PCGF3: variants seen among roughly 807,000 people sequenced by gnomAD.
PCGF3 encodes polycomb group RING finger protein 3.
A neutral mutation model predicts 33.1 loss-of-function variants in PCGF3; 7 were observed. That is an observed-to-expected ratio of 0.21 (90% CI 0.12 to 0.40). The LOEUF (loss-of-function observed/expected upper bound fraction) is 0.40. Ranked by LOEUF, PCGF3 falls within the 10% of genes least tolerant of loss-of-function variation. PCGF3 has a pLI of 1.00. For synonymous variants in PCGF3, 153 were observed against 121.3 expected (o/e 1.26, Z -1.72); for missense variants, 211 against 313.3 (o/e 0.67, Z 2.46).
chr4:721,860 T>C lies in PCGF3; in HGVS notation c.-189-8770T>C, dbSNP rs984731551. 6.8e-6 allele frequency among the ~76,000 whole-genome samples: 1 copy of C among 148,018 alleles called. No individual in the cohort carries two copies. Among genetic ancestry groups the C allele is most frequent in the Non-Finnish European group, 1.5e-5 (1 of 67,582 alleles). On this transcript the variant is annotated intron_variant, in intron 1 of 10. Coordinates refer to ENST00000362003, the Ensembl canonical transcript of PCGF3. This position sits in a 1 kb window ranked among gnomAD's most constrained non-coding sequence, Gnocchi z 4.1. ...CTGCATGTGGGTGTGGAAAGAGGCC[T>C]GTGGGAGACTGGTGGATGGGTGGCT...
intron 1 of PCGF3, among the ~76,000 whole-genome samples, chr4:730,331 C>T (rs918058697): frequency 5.3e-5 from 8 of 152,166 alleles, no homozygotes; most frequent in East Asian, 3.9e-4. Context: ...TCACATCCTG[C>T]CTTCTTGGGC....
chr4:744,601 T>C, exon 8 of PCGF3: 1 of 1,554,568 alleles, frequency 6.4e-7, no homozygotes, highest in Non-Finnish European at 8.7e-7. Context: ...TGCTAAAAGG[T>C]GAAACCAAAG....
chr4:758,839 G>T (rs62294069), intron 8 of PCGF3, among the ~76,000 whole-genome samples: 1 of 14,404 alleles, frequency 6.9e-5, no homozygotes. Context: ...CTTTCTCCCC[G>T]CGCGGCCCCT....
exon 11 of PCGF3, chr4:768,759 G>C (rs1013272063): frequency 3.9e-5 from 6 of 152,434 alleles, no homozygotes. Context: ...CAATTGTTTG[G>C]TTTCAGTGGT....
chr4:740,642 C>T (rs1744047078), intron 6 of PCGF3, among the ~76,000 whole-genome samples: 1 of 152,138 alleles, frequency 6.6e-6, no homozygotes. Flanking sequence ...GTAACCCTAG[C>T]ACTGTGGGAG....
intron 8 of PCGF3, among the ~76,000 whole-genome samples, chr4:761,010 CTG>C (rs1295330836): frequency 4.6e-5 from 7 of 152,350 alleles, no homozygotes; most frequent in Admixed American, 3.3e-4. Context: ...GGATAAGTAA[CTG>C]TGGGATTAAC....
chr4:767,418 A>G (rs968854693), exon 11 of PCGF3: 3 of 151,982 alleles, frequency 2.0e-5, no homozygotes, highest in Non-Finnish European at 4.4e-5. Context: ...TGCAGTTGTC[A>G]TTGTCTTCTC....
At chr4:747,842 A>G (rs906576391) in intron 8 of PCGF3, among the ~76,000 whole-genome samples, 5 of 151,816 alleles carry the variant, frequency 3.3e-5, no homozygotes, top group African/African-American at 9.7e-5. Flanking sequence ...GCCAGCACCC[A>G]AGGGCTGCTG....
intron 8 of PCGF3, among the ~76,000 whole-genome samples, chr4:749,648 G>A (rs1271223552): frequency 2.0e-5 from 3 of 150,748 alleles, no homozygotes; most frequent in Non-Finnish European, 3.0e-5. Flanking sequence ...CACCACACCC[G>A]GCTAATTTTT....
chr4:738,686 A>G (rs1482981659), intron 6 of PCGF3, among the ~76,000 whole-genome samples: 1 of 26,414 alleles, frequency 3.8e-5, no homozygotes, highest in East Asian at 9.8e-4. Context: ...TGTCTCTACC[A>G]AAAATACAAA....
intron 8 of PCGF3, among the ~76,000 whole-genome samples, chr4:750,805 T>G (rs1431204682): frequency 6.6e-6 from 1 of 152,072 alleles, no homozygotes; most frequent in Non-Finnish European, 1.5e-5. Flanking sequence ...TCTTACGTAG[T>G]TTTGATGACT....
intron 5 of PCGF3, 60 bp from the exon 6 acceptor site, chr4:737,406 T>C (rs1743882206): frequency 1.9e-6 from 2 of 1,072,296 alleles, no homozygotes; most frequent in South Asian, 2.5e-5. Context: ...AAATGGAAAG[T>C]GTACAAGAAT....
intron 5 of PCGF3, 88 bp from the exon 6 acceptor site, chr4:737,378 C>T (rs1486822480): frequency 4.5e-6 from 4 of 890,928 alleles, no homozygotes; most frequent in Non-Finnish European, 7.4e-6. Flanking sequence ...ACTGGTGATT[C>T]TGAACTTTGA....
chr4:707,067 T>C (rs992845195), intron 1 of PCGF3, among the ~76,000 whole-genome samples: 1 of 150,044 alleles, frequency 6.7e-6, no homozygotes, highest in African/African-American at 2.5e-5. Flanking sequence ...CTGAAGAGAG[T>C]TGGGCTCTGG....
intron 8 of PCGF3, among the ~76,000 whole-genome samples, chr4:758,179 A>C (rs2152615833): frequency 6.6e-6 from 1 of 150,734 alleles, no homozygotes; most frequent in African/African-American, 2.4e-5. Context: ...AAAAAAAAAA[A>C]AAAAAAAAAA....
Position 766,025 on chromosome 4 carries a change from C to G in PCGF3, c.682-7C>G. Reference sequence around the variant, plus strand: ...AAGCAGGCACTGTGCGTTCTTGTGTCTTCCAGAAGGCGCCGCTCCTGCTGC... The same window carrying G: ...AAGCAGGCACTGTGCGTTCTTGTGTGTTCCAGAAGGCGCCGCTCCTGCTGC... On this transcript the variant is annotated splice_region_variant and splice_polypyrimidine_tract_variant and intron_variant, in intron 10 of 10. Transcript: ENST00000362003. 6.2e-7 allele frequency: 1 copy of G among 1,613,912 alleles called. No individual in the cohort carries two copies.
At chr4:764,888 G>C (rs1745277451) in intron 9 of PCGF3, 96 bp from the exon 10 acceptor site, 1 of 782,904 alleles carries the variant, frequency 1.3e-6, no homozygotes, top group Admixed American at 2.0e-5. Flanking sequence ...TTGCATGATT[G>C]GGGAGGGGCT....
At chr4:733,901 C>T (rs1743725570) in intron 4 of PCGF3, 112 bp downstream of exon 4, 2 of 1,584,348 alleles carry the variant, frequency 1.3e-6, no homozygotes, top group African/African-American at 2.7e-5. Context: ...CCGACAAAAG[C>T]AGGAACCAGG....
intron 8 of PCGF3, among the ~76,000 whole-genome samples, chr4:754,620 G>A (rs1022312147): frequency 1.1e-4 from 17 of 152,236 alleles, no homozygotes; most frequent in South Asian, 2.1e-4. Flanking sequence ...CAGAGTGAAC[G>A]GGTAAGGCTG....
Sources: allele counts gnomAD v4.1 joint callset (sites outside exome capture counted in the v4.1 genomes callset), GRCh38; gene constraint gnomAD v4.1.1; non-coding constraint Gnocchi (gnomAD v3.1); transcripts MANE v1.5; gene names NCBI Gene and HGNC (gene_info 2026-07-23, HGNC 2026-07-21).